Variants in PIEZO2 observed in about 807,000 individuals in gnomAD.
The protein encoded by PIEZO2 is piezo type mechanosensitive ion channel component 2.
PIEZO2 carries 172 observed loss-of-function variants against 337.3 expected under a neutral mutation model. The ratio of observed to expected loss-of-function variants is 0.51; its 90% confidence interval spans 0.45 to 0.58. The LOEUF (loss-of-function observed/expected upper bound fraction) is 0.58. Among genes scored for constraint, PIEZO2 ranks in the 20% least tolerant of loss-of-function variants. The pLI is 0.00. For missense variants in PIEZO2, 3,028 were observed against 3,391.3 expected, an observed-to-expected ratio of 0.89 and a Z score of 2.66; for synonymous variants, 1,251 against 1,228.5, an observed-to-expected ratio of 1.02 and a Z score of -0.38.
intron 1 of PIEZO2, among the ~76,000 whole-genome samples, chr18:11,068,949 C>A (rs886407139): frequency 6.6e-6 from 1 of 152,060 alleles, no homozygotes; most frequent in African/African-American, 2.4e-5. Flanking sequence ...TAGCAATATA[C>A]AACCTACCAT....
intron 33 of PIEZO2, chr18:10,739,978 G>T (rs910463903): frequency 2.0e-5 from 3 of 152,180 alleles, no homozygotes; most frequent in African/African-American, 7.2e-5. Context: ...TGATTTCCTA[G>T]TGATTCTAAA....
Position 10,767,545 on chromosome 18 carries a change from C to A in PIEZO2, c.2946+2603G>T, listed in dbSNP as rs968608329. Among the ~76,000 whole-genome samples, 4 of 152,096 alleles carry A rather than the reference C, an allele frequency of 2.6e-5. No individual in the cohort carries two copies. Among genetic ancestry groups the A allele is most frequent in the African/African-American group, 9.7e-5 (4 of 41,396 alleles). ...GAGGAGAACGTCCTCTGCGCGCAGC[C>A]CGAGTGAGGAGCTAATGACTCGGAG... is the stretch of plus-strand genomic sequence containing the variant. On this transcript the variant is annotated intron_variant, in intron 21 of 55. Transcript: ENST00000674853. The surrounding 1 kb of genome is among the most constrained non-coding windows in gnomAD (Gnocchi z 4.2).
rs2040940605 is a variant in PIEZO2 at position 10,834,362 on chromosome 18, A to C, written c.917+20991T>G. 6.6e-6 allele frequency among the ~76,000 whole-genome samples: 1 copy of C among 152,146 alleles called. No homozygotes were observed. The highest frequency in any genetic ancestry group is 2.4e-5 in the African/African-American group (1 of 41,420). ...GGCATAATAAAGTAGACCACACCTT[A>C]TGGAGTTGTTGGGAGGATTAAATGA... On this transcript the variant is annotated intron_variant, in intron 7 of 55. Transcript: ENST00000674853. The surrounding 1 kb of genome is among the most constrained non-coding windows in gnomAD (Gnocchi z 4.5).
intron 42 of PIEZO2, among the ~76,000 whole-genome samples, chr18:10,703,410 T>C (rs1294007503): frequency 6.6e-6 from 1 of 152,226 alleles, no homozygotes; most frequent in Admixed American, 6.5e-5. Context: ...CTTATGGAAA[T>C]AAGATGCATG....
At chr18:11,008,507 G>A (rs1294537792) in intron 2 of PIEZO2, among the ~76,000 whole-genome samples, 1 of 152,168 alleles carries the variant, frequency 6.6e-6, no homozygotes, top group Non-Finnish European at 1.5e-5. Flanking sequence ...TTGCCTGTGT[G>A]AGCCTGTCTT....
chr18:10,877,704 C>A lies in PIEZO2; in HGVS notation c.330-6289G>T, dbSNP rs1465546146. On this transcript the variant is annotated intron_variant, in intron 4 of 55. Coordinates refer to ENST00000674853, the MANE Select transcript of PIEZO2 (RefSeq NM_001378183.1). The surrounding 1 kb of genome is among the most constrained non-coding windows in gnomAD (Gnocchi z 5.3). ...GGTAGCAGCATCCTGATGATTTCATCTCAGGTTGTCCCCTCTGCCAGCCAG... is the reference window on the plus strand; with the variant it reads ...GGTAGCAGCATCCTGATGATTTCATATCAGGTTGTCCCCTCTGCCAGCCAG... 6.6e-6 allele frequency among the ~76,000 whole-genome samples: 1 copy of A among 152,130 alleles called. No individual in the cohort carries two copies. The highest frequency in any genetic ancestry group is 2.4e-5 in the African/African-American group (1 of 41,432).
intron 1 of PIEZO2, among the ~76,000 whole-genome samples, chr18:11,121,734 A>C (rs1021268576): frequency 5.9e-5 from 9 of 152,162 alleles, no homozygotes; most frequent in Admixed American, 1.3e-4. Flanking sequence ...CTCTGATAGC[A>C]AATGTGGTTA....
At chr18:11,138,928 C>A (rs1191870055) in intron 1 of PIEZO2, among the ~76,000 whole-genome samples, 2 of 152,190 alleles carry the variant, frequency 1.3e-5, no homozygotes, top group African/African-American at 4.8e-5. Flanking sequence ...CAACTTTCAA[C>A]AGGTCATGTT....
chr18:10,720,399 G>C (rs1016607117), intron 36 of PIEZO2, among the ~76,000 whole-genome samples: 6 of 9,166 alleles, frequency 6.5e-4, no homozygotes, highest in South Asian at 8.9e-3. Context: ...GTGTGTGTGT[G>C]TGTGTATGTG....
Position 10,672,613 on chromosome 18 carries a change from A to G in PIEZO2, c.8345+77T>C, listed in dbSNP as rs1239721472. On this transcript the variant is annotated intron_variant, in intron 55 of 55. Transcript: ENST00000674853. The surrounding 1 kb of genome is among the most constrained non-coding windows in gnomAD (Gnocchi z 4.7). ...TAAAATTAGCGAATTCTAAGAAGAT[A>G]AAAGGCTTCCCACTCTCAACTTTAC... The G allele has an allele frequency of 6.1e-6, 9 of 1,480,342 alleles. No homozygotes were observed. The East Asian group carries it at 2.1e-4, about 34-fold the overall frequency. The allele number at this position is 1,480,342 out of a possible 1,614,324, so 91.7% of individuals were successfully genotyped here. A position where few individuals can be genotyped will look rare whatever the true frequency, so the allele number is the denominator to read the frequency against.
At chr18:11,145,499 TA>T (rs1233402509) in intron 1 of PIEZO2, among the ~76,000 whole-genome samples, 2 of 152,220 alleles carry the variant, frequency 1.3e-5, no homozygotes, top group African/African-American at 4.8e-5. Flanking sequence ...GGAAAATATG[TA>T]AGCTTCTACA....
intron 53 of PIEZO2, among the ~76,000 whole-genome samples, chr18:10,675,822 T>G: frequency 6.6e-6 from 1 of 152,112 alleles, no homozygotes; most frequent in East Asian, 1.9e-4. Flanking sequence ...ATGCTGTTCT[T>G]GTGATAGTGA....
chr18:10,908,760 G>A (rs1444602718), intron 4 of PIEZO2: 1 of 152,222 alleles, frequency 6.6e-6, no homozygotes, highest in East Asian at 1.9e-4. Context: ...GTACTGAAAA[G>A]TAATGGTTGA....
rs907867101 is a variant in PIEZO2 at position 10,714,811 on chromosome 18, C to T, written c.5376G>A (p.Gln1792=). Reference sequence around the variant, plus strand: ...CTAAACTATCCATCCTGTGGGCTGTCTGTGCACCTGAAGCAGCTCCGGGAT... The same window carrying T: ...CTAAACTATCCATCCTGTGGGCTGTTTGTGCACCTGAAGCAGCTCCGGGAT... ...DEHPGAASGA[Q]TAHRMDSLDS... Residue 1792 remains glutamine (Q), a synonymous_variant, in exon 39 of 56, where the codon CAG becomes CAA. Transcript: ENST00000674853. The T allele has an allele frequency of 4.6e-6, 7 of 1,537,296 alleles. No homozygotes were observed. The highest frequency in any genetic ancestry group is 6.1e-6 in the Non-Finnish European group (7 of 1,146,908).
rs2040256663 is a variant in PIEZO2, at chr18:11,128,695, C to T, written c.64+19830G>A. Among the ~76,000 whole-genome samples the T allele has an allele frequency of 1.3e-5, 2 of 152,242 alleles. No homozygotes were observed. The highest frequency in any genetic ancestry group is 4.2e-4 in the South Asian group (2 of 4,808). ...GATAATGTTGATTCTCCTCAGAAGC[C>T]TCCCCCAACACCTCTGTTTGCTTCT... On this transcript the variant is annotated intron_variant, in intron 1 of 55. Coordinates refer to ENST00000674853, the MANE Select transcript of PIEZO2 (RefSeq NM_001378183.1). The surrounding 1 kb of genome is among the most constrained non-coding windows in gnomAD (Gnocchi z 4.1).
At chr18:10,803,790 ATATGATAT>A in intron 9 of PIEZO2, 77 bp downstream of exon 9, 5 of 1,465,920 alleles carry the variant, frequency 3.4e-6, no homozygotes, top group Non-Finnish European at 3.6e-6. Context: ...GATATGATAT[ATATGATAT>A]TATAAGGCTC....
intron 3 of PIEZO2, among the ~76,000 whole-genome samples, chr18:10,955,008 A>G (rs2033455704): frequency 6.6e-6 from 1 of 152,178 alleles, no homozygotes; most frequent in Non-Finnish European, 1.5e-5. Context: ...GAAAAGGAGG[A>G]GGAAGTAGAA....
chr18:10,758,165 G>T (rs886572855), intron 26 of PIEZO2, 31 bp from the exon 27 acceptor site: 3 of 1,530,802 alleles, frequency 2.0e-6, no homozygotes, highest in Non-Finnish European at 2.6e-6. Flanking sequence ...TCATTAAGCC[G>T]CCTCATCCTC....
At chr18:10,722,149 C>CAAAAAAA (rs57201451) in intron 36 of PIEZO2, among the ~76,000 whole-genome samples, 1 of 125,402 alleles carries the variant, frequency 8.0e-6, no homozygotes, top group African/African-American at 2.9e-5. Flanking sequence ...GACTCCATCT[C>CAAAAAAA]AAAAAAAAAA....
Sources: allele counts gnomAD v4.1 joint callset (sites outside exome capture counted in the v4.1 genomes callset), GRCh38; gene constraint gnomAD v4.1.1; non-coding constraint Gnocchi (gnomAD v3.1); transcripts MANE v1.5; gene names NCBI Gene and HGNC (gene_info 2026-07-23, HGNC 2026-07-21).